APOLD1: variants seen among roughly 807,000 people sequenced by gnomAD.
APOLD1 encodes apolipoprotein L domain-containing protein 1.
Under a neutral mutation model 15.3 loss-of-function variants are expected in APOLD1, and 22 were observed. The observed-to-expected ratio is 1.44, with a 90% CI of 1.03 to 2.05. APOLD1 has a LOEUF of 2.05. APOLD1 is among the 30% of genes most tolerant of loss of function. The probability of loss-of-function intolerance (pLI) is 0.00; values close to 1 mark genes in which losing one functional copy is unlikely to be tolerated. For synonymous variants in APOLD1, 190 were observed against 167.4 expected (o/e 1.13, Z -1.04); for missense variants, 394 against 353.5 (o/e 1.11, Z -0.92).
intron 1 of APOLD1, among the ~76,000 whole-genome samples, chr12:12,758,097 TTTC>T (rs375809176): frequency 0.098 from 13,031 of 133,332 alleles, 802 homozygotes; most frequent in South Asian, 0.16. Context: ...CCTGGCTTTT[TTTC>T]TTTTTTTTTT....
chr12:12,764,370 T>C (rs1340386981), intron 1 of APOLD1, among the ~76,000 whole-genome samples: 1 of 152,236 alleles, frequency 6.6e-6, no homozygotes, highest in Admixed American at 6.5e-5. Flanking sequence ...CAATTCTCCC[T>C]GATGATGTTT....
chr12:12,778,811 T>C (rs1296599804), intron 1 of APOLD1, among the ~76,000 whole-genome samples: 1 of 152,236 alleles, frequency 6.6e-6, no homozygotes, highest in Non-Finnish European at 1.5e-5. Context: ...ATAATCTCTG[T>C]CAACTACTTC....
exon 1 of APOLD1, chr12:12,725,961 A>G: frequency 7.0e-7 from 1 of 1,431,850 alleles, no homozygotes; most frequent in Non-Finnish European, 9.3e-7. Context: ...AGCGATCTGC[A>G]GCTTCGCGGG....
chr12:12,788,398 T>C lies in APOLD1; in HGVS notation c.*746T>C, dbSNP rs1355322292. ...CTGCCAACTTCATTTCCCGACATCATTGTGTTCAGAAGAGAGTGATGGGTT... is the reference window on the plus strand; with the variant it reads ...CTGCCAACTTCATTTCCCGACATCACTGTGTTCAGAAGAGAGTGATGGGTT... On this transcript the variant is annotated 3_prime_UTR_variant, in exon 2 of 2. Transcript: ENST00000356591. The C allele has an allele frequency of 6.6e-6, 1 of 152,230 alleles. No individual in the cohort carries two copies. Among genetic ancestry groups the C allele is most frequent in the African/African-American group, 2.4e-5 (1 of 41,446 alleles). The allele number at this position is 152,230 out of a possible 1,614,324, so 9.4% of individuals were successfully genotyped here.
At chr12:12,786,810 C>A in intron 1 of APOLD1, 99 bp from the exon 2 acceptor site, 1 of 1,316,298 alleles carries the variant, frequency 7.6e-7, no homozygotes, top group South Asian at 2.1e-5. Context: ...GGCTGCTCCG[C>A]TGAACTCGTG....
Position 12,786,898 on chromosome 12 carries a change from T to C in APOLD1, c.4-11T>C, listed in dbSNP as rs1947129534. On this transcript the variant is annotated splice_polypyrimidine_tract_variant and intron_variant, in intron 1 of 1. Transcript: ENST00000356591. ...AGACTCCAGGCTGACCGCGTGTCTA[T>C]GTCCCCGCAGGGAATGGAGAGGCCG... 2 of 1,419,938 alleles carry C rather than the reference T, an allele frequency of 1.4e-6. No homozygotes were observed. The highest frequency in any genetic ancestry group is 1.5e-5 in the South Asian group (1 of 66,484). The allele number at this position is 1,419,938 out of a possible 1,614,324, so 88.0% of individuals were successfully genotyped here. A position where few individuals can be genotyped will look rare whatever the true frequency, so the allele number is the denominator to read the frequency against.
At chr12:12,750,648 T>C (rs11055041) in intron 1 of APOLD1, among the ~76,000 whole-genome samples, 2 of 151,970 alleles carry the variant, frequency 1.3e-5, no homozygotes, top group African/African-American at 4.8e-5. Flanking sequence ...ATTATTGGAG[T>C]GTAGTATACT....
At chr12:12,782,382 A>C (rs1016688659), upstream of APOLD1, among the ~76,000 whole-genome samples, 1 of 152,202 alleles carries the variant, frequency 6.6e-6, no homozygotes, top group East Asian at 1.9e-4. Flanking sequence ...AGACCTCTTG[A>C]ATTAGACTCT....
chr12:12,734,183 A>G (rs1946665576), intron 1 of APOLD1, among the ~76,000 whole-genome samples: 1 of 152,184 alleles, frequency 6.6e-6, no homozygotes, highest in Admixed American at 6.5e-5. Flanking sequence ...TTAACAAACC[A>G]TGGAAAATTG....
intron 1 of APOLD1, among the ~76,000 whole-genome samples, chr12:12,746,238 G>A (rs759404709): frequency 3.9e-5 from 6 of 152,246 alleles, no homozygotes; most frequent in Non-Finnish European, 8.8e-5. Context: ...GCTCACGCCT[G>A]TAATCCCAGC....
At chr12:12,763,540 T>TA (rs1340683204) in intron 1 of APOLD1, among the ~76,000 whole-genome samples, 1 of 151,540 alleles carries the variant, frequency 6.6e-6, no homozygotes, top group African/African-American at 2.4e-5. Context: ...AATACAACAA[T>TA]AAAAAATAAT....
At chr12:12,736,166 C>G (rs1295159750) in intron 1 of APOLD1, among the ~76,000 whole-genome samples, 1 of 151,784 alleles carries the variant, frequency 6.6e-6, no homozygotes, top group African/African-American at 2.4e-5. Context: ...CCTGGCCAGC[C>G]TGGTGAAACC....
chr12:12,743,116 C>T (rs958596710), intron 1 of APOLD1, among the ~76,000 whole-genome samples: 3 of 152,202 alleles, frequency 2.0e-5, no homozygotes, highest in South Asian at 2.1e-4. Context: ...ATATCATTTG[C>T]CTGAAAGGGG....
At chr12:12,763,352 C>T (rs1946917005) in intron 1 of APOLD1, among the ~76,000 whole-genome samples, 1 of 152,070 alleles carries the variant, frequency 6.6e-6, no homozygotes, top group African/African-American at 2.4e-5. Flanking sequence ...TTCCGGGACA[C>T]CCTGTGAATT....
At chr12:12,780,841 A>T (rs1947074677), upstream of APOLD1, among the ~76,000 whole-genome samples, 1 of 149,718 alleles carries the variant, frequency 6.7e-6, no homozygotes, top group Admixed American at 6.8e-5. Context: ...CTTCCACCTC[A>T]GCCTCCCAAA....
At chr12:12,743,106 A>G (rs886297335) in intron 1 of APOLD1, among the ~76,000 whole-genome samples, 2 of 152,204 alleles carry the variant, frequency 1.3e-5, no homozygotes, top group South Asian at 2.1e-4. Context: ...CCCACTTCCT[A>G]TATCATTTGC....
rs537985208 is a variant in APOLD1, at chr12:12,765,126, G to C, written c.97-21783G>C. Among the ~76,000 whole-genome samples the C allele has an allele frequency of 5.4e-4, 83 of 152,294 alleles. 3 individuals carry two copies. The South Asian group carries it at 0.017, about 31-fold the overall frequency. ...CTTCCTGGTTCTGCAGGCTGTATAA[G>C]AGGCAAAGACCAGCATCTGCTTCTG... On this transcript the variant is annotated intron_variant, in intron 1 of 1. Transcript: ENST00000326765.
chr12:12,783,638 T>G (rs1592310226), upstream of APOLD1, among the ~76,000 whole-genome samples: 2 of 149,964 alleles, frequency 1.3e-5, no homozygotes, highest in East Asian at 2.0e-4. Flanking sequence ...TTGTTTTTTT[T>G]TTTTTTGCTT....
intron 1 of APOLD1, among the ~76,000 whole-genome samples, chr12:12,778,586 C>A (rs373230692): frequency 6.6e-6 from 1 of 152,058 alleles, no homozygotes; most frequent in Non-Finnish European, 1.5e-5. Context: ...CCTCGGCCCC[C>A]CAAAGTGCTG....
Sources: gnomAD v4.1 joint callset for allele counts (sites outside exome capture counted in the v4.1 genomes callset) on GRCh38, gnomAD v4.1.1 for gene constraint, MANE v1.5 for transcripts, NCBI Gene and HGNC (gene_info 2026-07-23, HGNC 2026-07-21) for gene names.